MGAM2: variants seen among roughly 807,000 people sequenced by gnomAD.
MGAM2 encodes the protein probable maltase-glucoamylase 2.
A neutral mutation model predicts 96.1 loss-of-function variants in MGAM2; 98 were observed. The observed-to-expected ratio is 1.02, with a 90% CI of 0.87 to 1.21. The LOEUF (loss-of-function observed/expected upper bound fraction) is 1.21. Among genes scored for constraint, MGAM2 ranks in the 50% most tolerant of loss-of-function variants. MGAM2 has a pLI of 0.00. For synonymous variants in MGAM2, 749 were observed against 414.8 expected (o/e 1.81, Z -9.79); for missense variants, 2,055 against 1,182.4 (o/e 1.74, Z -10.82).
chr7:142,163,128 A>G (rs1305825326), intron 23 of MGAM2, among the ~76,000 whole-genome samples: 1 of 152,118 alleles, frequency 6.6e-6, no homozygotes, highest in Non-Finnish European at 1.5e-5. Context: ...GCTCCTTTTC[A>G]TTGCTGAGTG....
intron 26 of MGAM2, among the ~76,000 whole-genome samples, chr7:142,168,659 T>C (rs186840101): frequency 5.3e-5 from 8 of 152,302 alleles, no homozygotes; most frequent in Admixed American, 5.2e-4. Context: ...TATGCACATT[T>C]AAAAAATACG....
At chr7:142,190,433 G>A (rs1481666312) in intron 37 of MGAM2, among the ~76,000 whole-genome samples, 3 of 151,830 alleles carry the variant, frequency 2.0e-5, no homozygotes, top group African/African-American at 7.3e-5. Context: ...CACCATGCCT[G>A]GCTAATTTTT....
intron 14 of MGAM2, 125 bp from the exon 15 acceptor site, chr7:142,147,331 G>T: frequency 1.8e-6 from 1 of 558,068 alleles, no homozygotes; most frequent in Non-Finnish European, 3.2e-6. Flanking sequence ...TTAAAATCTG[G>T]AATGGATTTG....
At chr7:142,141,244 A>G in intron 12 of MGAM2, 125 bp downstream of exon 12, 1 of 575,310 alleles carries the variant, frequency 1.7e-6, no homozygotes, top group Non-Finnish European at 3.0e-6. Context: ...GGTTTCTTTT[A>G]TTACTATTTT....
rs1794904986 is a variant in MGAM2, at chr7:142,132,029, G to A, written c.519G>A (p.Glu173=). Residue 173 remains glutamate (E), a synonymous_variant, in exon 6 of 48, where the codon GAG becomes GAA. Coordinates refer to ENST00000477922, the MANE Select transcript of MGAM2 (RefSeq NM_001293626.2). ...CCTCCAATTTGAGCTATTACGTGGA[G>A]GTTACTGATAAACCTTTCAGCATCA... ...ADASNLSYYV[E]VTDKPFSIKI... is the part of the protein sequence containing the mutation. 1.4e-6 allele frequency: 1 copy of A among 703,122 alleles called. No homozygotes were observed. The highest frequency in any genetic ancestry group is 2.6e-6 in the Non-Finnish European group (1 of 385,026). The allele number at this position is 703,122 out of a possible 1,614,324, so 43.6% of individuals were successfully genotyped here.
chr7:142,210,416 C>T (rs1485760934), intron 46 of MGAM2, among the ~76,000 whole-genome samples: 1 of 152,124 alleles, frequency 6.6e-6, no homozygotes, highest in Non-Finnish European at 1.5e-5. Flanking sequence ...CCCCACAGAG[C>T]CCAGCAAGCT....
At chr7:142,182,168 A>G (rs527355738) in intron 32 of MGAM2, among the ~76,000 whole-genome samples, 1 of 152,120 alleles carries the variant, frequency 6.6e-6, no homozygotes, top group Non-Finnish European at 1.5e-5. Flanking sequence ...GATCTCAGCT[A>G]GATAATCCTG....
chr7:142,152,992 CTTTTTT>C (rs10559271), intron 15 of MGAM2, among the ~76,000 whole-genome samples: 1 of 117,122 alleles, frequency 8.5e-6, no homozygotes, highest in Non-Finnish European at 1.8e-5. Context: ...GCTTTTATTC[CTTTTTT>C]TTTTTTTTTT....
In MGAM2 at chr7:142,164,838, T is replaced by A. The variant is rs1473759463; in HGVS notation, c.2485-18T>A. 1.5e-6 allele frequency: 1 copy of A among 656,710 alleles called. No homozygotes were observed. Among genetic ancestry groups the A allele is most frequent in the Admixed American group, 2.3e-5 (1 of 43,180 alleles). The allele number at this position is 656,710 out of a possible 1,614,324, so 40.7% of individuals were successfully genotyped here. The stretch of plus-strand genomic sequence containing the variant: ...TGAAGTACCTGGTTTCCAATCTGAC[T>A]TTTTTTTCCCCTCCCAGAACCATCT... On this transcript the variant is annotated intron_variant, in intron 23 of 47. Transcript: ENST00000477922.
rs564273891 is a variant in MGAM2, at chr7:142,196,221, C to A, written c.4414C>A (p.Arg1472Ser). The part of the protein sequence containing the change: ...ITRSTFPSSG[R>S]WGGHRLGNNT... ...CCGCTCCACATTTCCCTCTTCTGGA[C>A]GCTGGGGAGGACACCGGTTGGGAAA... Residue 1472 changes from arginine (R) to serine (S), a missense_variant, in exon 38 of 48, where the codon CGC becomes AGC. Arg to Ser is a moderately radical substitution (Grantham distance 110). Coordinates refer to ENST00000477922, the MANE Select transcript of MGAM2 (RefSeq NM_001293626.2). 1.8e-6 allele frequency: 2 copies of A among 1,091,292 alleles called. No homozygotes were observed. Among genetic ancestry groups the A allele is most frequent in the African/African-American group, 1.6e-5 (1 of 64,298 alleles). 67.6% of individuals were successfully genotyped at this position (1,091,292 alleles called of 1,614,324 possible). A position where few individuals can be genotyped will look rare whatever the true frequency, so the allele number is the denominator to read the frequency against.
intron 14 of MGAM2, 36 bp from the exon 15 acceptor site, chr7:142,147,420 T>C: frequency 1.5e-6 from 1 of 684,836 alleles, no homozygotes. Context: ...AGATGGTTAA[T>C]GAGGAAGTGC....
intron 2 of MGAM2, among the ~76,000 whole-genome samples, chr7:142,118,517 A>G (rs769244577): frequency 2.0e-5 from 3 of 152,150 alleles, no homozygotes; most frequent in Non-Finnish European, 4.4e-5. Flanking sequence ...TTCTGCTGAA[A>G]TTCTGGATTT....
intron 3 of MGAM2, among the ~76,000 whole-genome samples, chr7:142,127,753 A>C (rs1331180226): frequency 1.3e-5 from 2 of 152,144 alleles, no homozygotes; most frequent in African/African-American, 2.4e-5. Flanking sequence ...CACTTCCTTC[A>C]TCTTCCACCA....
chr7:142,146,940 C>T (rs758204893), intron 14 of MGAM2, among the ~76,000 whole-genome samples: 6 of 152,056 alleles, frequency 3.9e-5, no homozygotes, highest in Non-Finnish European at 8.8e-5. Context: ...ATTGGTCAGG[C>T]TTGTCTTGAG....
intron 37 of MGAM2, among the ~76,000 whole-genome samples, chr7:142,192,934 A>G (rs1282078371): frequency 6.6e-6 from 1 of 152,240 alleles, no homozygotes; most frequent in Non-Finnish European, 1.5e-5. Context: ...TATAAAAATT[A>G]AATGATATAA....
At chr7:142,123,806 A>G (rs2129075074) in intron 3 of MGAM2, among the ~76,000 whole-genome samples, 1 of 152,168 alleles carries the variant, frequency 6.6e-6, no homozygotes, top group East Asian at 1.9e-4. Context: ...TGGTTGGTTC[A>G]TTTCATATTC....
At chr7:142,219,803 G>C in intron 47 of MGAM2, 67 bp from the exon 48 acceptor site, 1 of 614,430 alleles carries the variant, frequency 1.6e-6, no homozygotes, top group South Asian at 1.9e-5. Context: ...TGTAATTTAA[G>C]AGGTGAGCTA....
At chr7:142,116,221 T>A (rs905276940) in intron 1 of MGAM2, among the ~76,000 whole-genome samples, 1 of 152,122 alleles carries the variant, frequency 6.6e-6, no homozygotes, top group Non-Finnish European at 1.5e-5. Context: ...GTTCAGTACA[T>A]CCTCCAATAT....
At chr7:142,198,040 C>G in intron 42 of MGAM2, 99 bp from the exon 43 acceptor site, 4 of 639,612 alleles carry the variant, frequency 6.3e-6, no homozygotes, top group Non-Finnish European at 1.1e-5. Context: ...ATCACTAATA[C>G]AATTTTCATT....
Sources: allele counts gnomAD v4.1 joint callset (sites outside exome capture counted in the v4.1 genomes callset), GRCh38; gene constraint gnomAD v4.1.1; transcripts MANE v1.5; gene names NCBI Gene and HGNC (gene_info 2026-07-23, HGNC 2026-07-21).